Variants in PCNX1 observed in about 807,000 individuals in gnomAD.
PCNX1 encodes the protein pecanex-like protein 1.
PCNX1 carries 78 observed loss-of-function variants against 242.2 expected under a neutral mutation model. That is an observed-to-expected ratio of 0.32 (90% CI 0.27 to 0.39). PCNX1 has a LOEUF of 0.39. Ranked by LOEUF, PCNX1 falls within the 10% of genes least tolerant of loss-of-function variation. The pLI is 1.00. For missense variants in PCNX1, 2,581 were observed against 2,856.5 expected, an observed-to-expected ratio of 0.90 and a Z score of 2.20; for synonymous variants, 1,024 against 1,032.9, an observed-to-expected ratio of 0.99 and a Z score of 0.17.
intron 1 of PCNX1, among the ~76,000 whole-genome samples, chr14:70,920,589 G>A (rs1189774247): frequency 6.6e-6 from 1 of 152,036 alleles, no homozygotes; most frequent in Non-Finnish European, 1.5e-5. Context: ...TTAAAACTGA[G>A]GTATTTTACA....
intron 30 of PCNX1, among the ~76,000 whole-genome samples, chr14:71,100,298 C>T (rs1226080043): frequency 1.3e-5 from 2 of 152,162 alleles, no homozygotes; most frequent in Admixed American, 6.5e-5. Context: ...TAAGTGGTAA[C>T]AAACTTCCTT....
At chr14:71,074,734 ACT>A (rs1294094809) in intron 27 of PCNX1, among the ~76,000 whole-genome samples, 1 of 151,688 alleles carries the variant, frequency 6.6e-6, no homozygotes, top group Admixed American at 6.6e-5. Context: ...CTGAACAAAG[ACT>A]CTTTAACGGG....
rs117757515 is a variant in PCNX1 at position 71,050,361 on chromosome 14, G to A, written c.4339-291G>A. ...CTTTCTACCTTACTTTGTTTTGCTT[G>A]TAGTAGCATAATATGGCCAGTAGAA... is the stretch of plus-strand genomic sequence containing the variant. On this transcript the variant is annotated intron_variant, in intron 22 of 35. Coordinates refer to ENST00000304743, the MANE Select transcript of PCNX1 (RefSeq NM_014982.3). 3.3e-3 allele frequency among the ~76,000 whole-genome samples: 495 copies of A among 152,068 alleles called. 4 individuals carry two copies. The highest frequency in any genetic ancestry group is 0.023 in the East Asian group (120 of 5,158).
intron 6 of PCNX1, among the ~76,000 whole-genome samples, chr14:70,985,144 A>G (rs4531677): frequency 0.54 from 82,493 of 152,062 alleles, 23,887 homozygotes; most frequent in East Asian, 0.73. Flanking sequence ...GAGTGATTGC[A>G]TCAGTATAAC....
intron 11 of PCNX1, among the ~76,000 whole-genome samples, chr14:71,016,079 A>G (rs1052130242): frequency 7.9e-5 from 12 of 152,222 alleles, no homozygotes; most frequent in African/African-American, 1.2e-4. Context: ...ATACCATGCT[A>G]ACATTAACAA....
intron 10 of PCNX1, chr14:71,012,636 C>T: frequency 3.4e-6 from 1 of 294,786 alleles, no homozygotes; most frequent in Non-Finnish European, 6.5e-6. Context: ...TCAAGACCAG[C>T]CTGGCCAAGA....
chr14:70,995,742 C>T lies in PCNX1; in HGVS notation c.2446C>T (p.Leu816Phe). ...TCCCCAATCCATGTTTTTTCCTAGCCTTCAAGATGGTCAGCAAGGCCAGCA... is the reference window on the plus strand; with the variant it reads ...TCCCCAATCCATGTTTTTTCCTAGCTTTCAAGATGGTCAGCAAGGCCAGCA... ...PTLLIGSPLS[L>F]QDGQQGQQST... is the part of the protein sequence containing the mutation. The change falls in exon 8 of 36, where the codon CTT becomes TTT. Residue 816 changes from leucine (L) to phenylalanine (F), a missense_variant and splice_region_variant. By Grantham distance (22) the Leu-to-Phe change is conservative. Around this residue, in one of 9 missense-constraint regions of PCNX1, gnomAD observed 1,204 missense variants for 1,216.7 expected, o/e 0.99. Coordinates refer to ENST00000304743, the MANE Select transcript of PCNX1 (RefSeq NM_014982.3). 1.9e-6 allele frequency: 3 copies of T among 1,613,702 alleles called. No individual in the cohort carries two copies. The highest frequency in any genetic ancestry group is 2.5e-6 in the Non-Finnish European group (3 of 1,179,762).
chr14:71,063,894 T>A (rs2061383506), intron 26 of PCNX1, among the ~76,000 whole-genome samples: 1 of 152,138 alleles, frequency 6.6e-6, no homozygotes, highest in African/African-American at 2.4e-5. Flanking sequence ...ATGTGAAAAA[T>A]TTGGGTTATC....
rs772999035 is a variant in PCNX1 at position 71,073,792 on chromosome 14, T to C, written c.5100T>C (p.Tyr1700=). The C allele has an allele frequency of 2.5e-6, 4 of 1,600,076 alleles. No individual in the cohort carries two copies. Among genetic ancestry groups the C allele is most frequent in the East Asian group, 4.5e-5 (2 of 44,622 alleles). The change falls in exon 27 of 36, where the codon TAT becomes TAC. Residue 1700 remains tyrosine, a synonymous_variant. Transcript: ENST00000304743. ...FDLRKVLTTY[Y]VKGIIYYVTT... is the part of the protein sequence containing the mutation. ...TTCGGAAAGTACTCACCACTTACTA[T>C]GTCAAGGTAGGAGTATGTGCCTACT...
intron 2 of PCNX1, among the ~76,000 whole-genome samples, chr14:70,948,279 AGG>A (rs1269860606): frequency 1.3e-5 from 2 of 152,082 alleles, no homozygotes; most frequent in Non-Finnish European, 2.9e-5. Flanking sequence ...TTTGTGGCTC[AGG>A]GGGCATCACG....
At position 70,907,695 on chromosome 14, in the gene PCNX1, A is replaced by G. The variant is rs1331561875; in HGVS notation, c.-156A>G. 8.9e-6 allele frequency: 8 copies of G among 894,064 alleles called. No individual in the cohort carries two copies. Among genetic ancestry groups the G allele is most frequent in the Admixed American group, 9.8e-5 (2 of 20,512 alleles). 55.4% of individuals were successfully genotyped at this position (894,064 alleles called of 1,614,324 possible). A position where few individuals can be genotyped will look rare whatever the true frequency, so the allele number is the denominator to read the frequency against. On this transcript the variant is annotated 5_prime_UTR_variant, in exon 1 of 36. Coordinates refer to ENST00000304743, the MANE Select transcript of PCNX1 (RefSeq NM_014982.3). The stretch of plus-strand genomic sequence containing the variant: ...GTTTGCTGCCTCCTCCTCCTCCTGC[A>G]GCAGCACCAGCGACCGCCGAAGCGC...
chr14:70,990,735 C>T (rs895172424), intron 7 of PCNX1, among the ~76,000 whole-genome samples: 1 of 152,116 alleles, frequency 6.6e-6, no homozygotes, highest in African/African-American at 2.4e-5. Flanking sequence ...TTTCTGAGCC[C>T]TTTGTTTTTG....
intron 28 of PCNX1, chr14:71,078,604 C>T (rs2061775417): frequency 6.6e-6 from 1 of 152,180 alleles, no homozygotes; most frequent in Non-Finnish European, 1.5e-5. Context: ...CCACCAGTAA[C>T]AAAATAGTGC....
chr14:71,013,340 T>A, intron 11 of PCNX1, 138 bp downstream of exon 11: 1 of 743,838 alleles, frequency 1.3e-6, no homozygotes, highest in Non-Finnish European at 2.4e-6. Flanking sequence ...ATATAAAACT[T>A]AAGGTAATGG....
intron 2 of PCNX1, among the ~76,000 whole-genome samples, chr14:70,948,348 T>G (rs2057544329): frequency 6.6e-6 from 1 of 152,126 alleles, no homozygotes; most frequent in Non-Finnish European, 1.5e-5. Context: ...TTCTCTCTTT[T>G]GTACTCTTTC....
Position 70,958,898 on chromosome 14 carries a change from C to CTTTTT in PCNX1, c.363-3306_363-3302dup, listed in dbSNP as rs56362741. Among the ~76,000 whole-genome samples the CTTTTT allele has an allele frequency of 7.6e-3, 505 of 66,398 alleles. 100 individuals carry two copies. The highest frequency in any genetic ancestry group is 8.0e-3 in the Non-Finnish European group (317 of 39,400). The allele number at this position is 66,398 out of a possible 152,430, so 43.6% of individuals were successfully genotyped here. A position where few individuals can be genotyped will look rare whatever the true frequency, so the allele number is the denominator to read the frequency against. On this transcript the variant is annotated intron_variant, in intron 2 of 35. Transcript: ENST00000304743. Reference sequence around the variant, plus strand: ...GGTTCACCTGAAGAATTTGGGGTTGCTTTTTTTTTTTTTTTTTTTTTTTTT... The same window carrying CTTTTT: ...GGTTCACCTGAAGAATTTGGGGTTGCTTTTTTTTTTTTTTTTTTTTTTTTTTTTTT...
At position 70,961,608 on chromosome 14, in the gene PCNX1, A is replaced by G. The variant is rs371955750; in HGVS notation, c.363-618A>G. 3.6e-3 allele frequency among the ~76,000 whole-genome samples: 551 copies of G among 152,296 alleles called. 1 individual carries two copies. Among genetic ancestry groups the G allele is most frequent in the African/African-American group, 0.013 (533 of 41,570 alleles). On this transcript the variant is annotated intron_variant, in intron 2 of 35. Transcript: ENST00000304743. ...TCTTTCTGTATCGTTACTACATAGC[A>G]TCACTTTCTTTTTTTAACCTTGGCC...
intron 1 of PCNX1, among the ~76,000 whole-genome samples, chr14:70,920,588 A>G (rs1210218355): frequency 6.6e-6 from 1 of 152,226 alleles, no homozygotes; most frequent in Non-Finnish European, 1.5e-5. Flanking sequence ...TTTAAAACTG[A>G]GGTATTTTAC....
chr14:70,974,659 A>G (rs927322492), intron 5 of PCNX1, among the ~76,000 whole-genome samples: 2 of 152,170 alleles, frequency 1.3e-5, no homozygotes, highest in Non-Finnish European at 2.9e-5. Context: ...ACAATTTCTT[A>G]CCTTCAAGAT....
Sources: allele counts gnomAD v4.1 joint callset (sites outside exome capture counted in the v4.1 genomes callset), GRCh38; gene constraint gnomAD v4.1.1; regional missense constraint gnomAD v4.1.1; transcripts MANE v1.5; gene names NCBI Gene and HGNC (gene_info 2026-07-23, HGNC 2026-07-21).